ZC3H12B: variants seen among roughly 807,000 people sequenced by gnomAD.
The protein encoded by ZC3H12B is probable ribonuclease ZC3H12B.
A neutral mutation model predicts 43.9 loss-of-function variants in ZC3H12B; 7 were observed. The ratio of observed to expected loss-of-function variants is 0.16; its 90% CI spans 0.09 to 0.30. ZC3H12B has a LOEUF of 0.30. ZC3H12B is among the 10% of genes least tolerant of loss of function. ZC3H12B has a pLI of 1.00. For missense variants in ZC3H12B, 475 were observed against 670.2 expected, an observed-to-expected ratio of 0.71 and a Z score of 3.22; for synonymous variants, 222 against 241.7, an observed-to-expected ratio of 0.92 and a Z score of 0.76.
chrX:65,171,370 G>A, the ZC3H12B span, among the ~76,000 whole-genome samples: 8 of 110,823 alleles, frequency 7.2e-5, no homozygotes, highest in South Asian at 3.8e-4. Flanking sequence ...ATTGCAGAAC[G>A]GCAAATAGTG....
chrX:65,088,404 T>C, the ZC3H12B span, among the ~76,000 whole-genome samples: 1 of 111,132 alleles, frequency 9.0e-6, no homozygotes, highest in Non-Finnish European at 1.9e-5. Context: ...TAGAACATTT[T>C]CAGCAGTGGA....
the ZC3H12B span, among the ~76,000 whole-genome samples, chrX:65,151,302 G>A: frequency 9.0e-6 from 1 of 111,697 alleles, no homozygotes; most frequent in African/African-American, 3.2e-5. Flanking sequence ...TACAAATAAA[G>A]GCTTAAAACA....
chrX:65,140,202 G>C, the ZC3H12B span, among the ~76,000 whole-genome samples: 2 of 111,465 alleles, frequency 1.8e-5, no homozygotes, highest in African/African-American at 6.5e-5. Context: ...TCGTTTTACT[G>C]TTGAGTAGAG....
chrX:65,357,099 C>T, the ZC3H12B span: 2 of 522,649 alleles, frequency 3.8e-6, no homozygotes, highest in Admixed American at 4.9e-5. Context: ...ACCACAAGCT[C>T]CAAAGGCTTC....
the ZC3H12B span, chrX:65,186,108 G>A: frequency 3.6e-5 from 4 of 111,491 alleles, no homozygotes; most frequent in African/African-American, 1.3e-4. Flanking sequence ...GCTTGGAGTT[G>A]GAGTACCAAA....
At chrX:65,189,768 G>C in the ZC3H12B span, among the ~76,000 whole-genome samples, 15 of 111,171 alleles carry the variant, frequency 1.3e-4, no homozygotes, top group African/African-American at 4.9e-4. Flanking sequence ...TCTGATGGTA[G>C]TTGCTTTTGC....
At chrX:65,054,623 G>A in the ZC3H12B span, among the ~76,000 whole-genome samples, 751 of 111,955 alleles carry the variant, frequency 6.7e-3, 9 homozygotes, top group African/African-American at 0.023. Context: ...ATTCTGTGAA[G>A]AAAGTCATTG....
At chrX:65,461,619 A>G (rs1766215933) in intron 3 of ZC3H12B, among the ~76,000 whole-genome samples, 1 of 111,683 alleles carries the variant, frequency 9.0e-6, no homozygotes. Flanking sequence ...ACCAAACACC[A>G]AATGTTCTCA....
the ZC3H12B span, among the ~76,000 whole-genome samples, chrX:65,151,565 C>T: frequency 1.8e-5 from 2 of 111,781 alleles, no homozygotes; most frequent in African/African-American, 6.5e-5. Context: ...TCTAGCAATT[C>T]CCCTAATCTT....
intron 3 of ZC3H12B, among the ~76,000 whole-genome samples, chrX:65,447,368 G>T (rs749805374): frequency 6.3e-5 from 7 of 110,678 alleles, no homozygotes; most frequent in Admixed American, 5.8e-4. Flanking sequence ...AATAATGCTG[G>T]CAAAACTGGA....
chrX:65,185,080 G>A, the ZC3H12B span: 65 of 110,753 alleles, frequency 5.9e-4, 5 homozygotes. Context: ...TTTTTTTCTA[G>A]TTTCAGCTAG....
chrX:65,152,337 T>G, the ZC3H12B span, among the ~76,000 whole-genome samples: 2 of 111,561 alleles, frequency 1.8e-5, no homozygotes, highest in East Asian at 2.8e-4. Context: ...AAAACCCCAA[T>G]GTCTCAGCCC....
At chrX:65,232,863 TA>T in the ZC3H12B span, among the ~76,000 whole-genome samples, 22 of 111,430 alleles carry the variant, frequency 2.0e-4, no homozygotes, top group South Asian at 7.1e-3. Context: ...ACTTCACCTG[TA>T]AAGATGTATA....
At chrX:65,180,538 C>G in the ZC3H12B span, among the ~76,000 whole-genome samples, 1 of 111,316 alleles carries the variant, frequency 9.0e-6, no homozygotes, top group Non-Finnish European at 1.9e-5. Context: ...CGAAAATCTC[C>G]TTAAGCTGAT....
At chrX:65,220,678 G>A in the ZC3H12B span, among the ~76,000 whole-genome samples, 2 of 111,728 alleles carry the variant, frequency 1.8e-5, no homozygotes, top group East Asian at 2.8e-4. Flanking sequence ...TGCACCTAAC[G>A]CTGGAACTCC....
At chrX:65,192,081 G>C in the ZC3H12B span, among the ~76,000 whole-genome samples, 1 of 110,249 alleles carries the variant, frequency 9.1e-6, no homozygotes, top group Non-Finnish European at 1.9e-5. Flanking sequence ...TGAGGAGCAG[G>C]TTGTTCAGTT....
At chrX:65,487,863 G>A (rs1458306748), upstream of ZC3H12B, among the ~76,000 whole-genome samples, 1 of 111,723 alleles carries the variant, frequency 9.0e-6, no homozygotes, top group African/African-American at 3.2e-5. Flanking sequence ...TGGAGAGCAT[G>A]TGCTTTTCTT....
At chrX:65,168,693 TATTA>T in the ZC3H12B span, among the ~76,000 whole-genome samples, 2 of 111,462 alleles carry the variant, frequency 1.8e-5, no homozygotes, top group Non-Finnish European at 3.8e-5. Flanking sequence ...ATTGGTAGGC[TATTA>T]ATTATTGCCT....
At chrX:65,323,809 A>G in the ZC3H12B span, among the ~76,000 whole-genome samples, 1 of 112,029 alleles carries the variant, frequency 8.9e-6, no homozygotes, top group South Asian at 3.7e-4. Flanking sequence ...CACTCCCACC[A>G]ACAGTGTAAA....
Sources: gnomAD v4.1 joint callset for allele counts (sites outside exome capture counted in the v4.1 genomes callset) on GRCh38, gnomAD v4.1.1 for gene constraint, MANE v1.5 for transcripts, NCBI Gene and HGNC (gene_info 2026-07-23, HGNC 2026-07-21) for gene names.